Variants in LRRC53 observed in about 807,000 individuals in gnomAD.
LRRC53 encodes the protein leucine-rich repeat-containing protein 53.
A neutral mutation model predicts 13.6 loss-of-function variants in LRRC53; 25 were observed. The ratio of observed to expected loss-of-function variants is 1.83; its 90% CI spans 1.34 to 2.56. The LOEUF (loss-of-function observed/expected upper bound fraction) is 2.56, where lower values mean the gene tolerates loss of function less well. Ranked by LOEUF, LRRC53 falls within the 30% of genes most tolerant of loss-of-function variation. LRRC53 has a pLI of 0.00. For missense variants in LRRC53, 527 were observed against 275.8 expected (o/e 1.91, Z -6.45); for synonymous variants, 204 against 109.8 (o/e 1.86, Z -5.37).
chr1:74,496,618 T>C (rs1293504714), intron 1 of LRRC53, among the ~76,000 whole-genome samples: 1 of 152,188 alleles, frequency 6.6e-6, no homozygotes, highest in Non-Finnish European at 1.5e-5. Context: ...CTAATTATTA[T>C]TATTCTTTAT....
intron 4 of LRRC53, 105 bp from the exon 5 acceptor site, chr1:74,472,306 A>C: frequency 1.6e-6 from 1 of 619,466 alleles, no homozygotes; most frequent in Non-Finnish European, 2.9e-6. Flanking sequence ...GACTCCTCTG[A>C]TAATTGCAGT....
intron 1 of LRRC53, among the ~76,000 whole-genome samples, chr1:74,496,415 T>C (rs1669328146): frequency 2.0e-5 from 3 of 152,158 alleles, no homozygotes; most frequent in African/African-American, 7.2e-5. Context: ...TAGTATAGCA[T>C]TATGATTTTG....
chr1:74,475,526 C>T lies in LRRC53; in HGVS notation c.1189G>A (p.Gly397Arg), dbSNP rs648614. Residue 397 changes from glycine (G) to arginine (R), a missense_variant, in exon 4 of 5, where the codon GGA becomes AGA. By Grantham distance (125) the Gly-to-Arg change is moderately radical. Transcript: ENST00000294635. The stretch of plus-strand genomic sequence containing the variant: ...TTCTTTTTCAGGTTTCTAAATGATC[C>T]GTCAAGGGTTGCAGACTCAGAGGCC... ...TSASESATLD[G>R]SFRNLKKKDR... 412,830 of 716,462 alleles carry T rather than the reference C, an allele frequency of 0.58. 119,837 individuals are homozygous for T. Among genetic ancestry groups the T allele is most frequent in the East Asian group, 0.68 (25,198 of 37,256 alleles). 44.4% of individuals were successfully genotyped at this position (716,462 alleles called of 1,614,324 possible).
chr1:74,488,868 T>C (rs1302042051), intron 1 of LRRC53, among the ~76,000 whole-genome samples: 1 of 152,178 alleles, frequency 6.6e-6, no homozygotes, highest in African/African-American at 2.4e-5. Flanking sequence ...TAGTTTTTAG[T>C]ATTCACTATT....
At chr1:74,497,615 T>C (rs1669395560) in intron 1 of LRRC53, among the ~76,000 whole-genome samples, 1 of 151,044 alleles carries the variant, frequency 6.6e-6, no homozygotes, top group Non-Finnish European at 1.5e-5. Flanking sequence ...TACACACACA[T>C]ACATTCCTCC....
Position 74,480,145 on chromosome 1 carries a change from C to T in LRRC53, c.904+8G>A, listed in dbSNP as rs151235167. The T allele has an allele frequency of 8.4e-4, 602 of 712,442 alleles. 7 individuals carry two copies. The East Asian group carries it at 0.014, about 16-fold the overall frequency. 44.1% of individuals were successfully genotyped at this position (712,442 alleles called of 1,614,324 possible). A position where few individuals can be genotyped will look rare whatever the true frequency, so the allele number is the denominator to read the frequency against. ...GAAAAGAGGAGGGCACACTTCTCCC[C>T]GGCATACCTGCGAAGCCAAGGACAG... On this transcript the variant is annotated splice_region_variant and intron_variant, in intron 3 of 4. Coordinates refer to ENST00000294635, the MANE Select transcript of LRRC53 (RefSeq NM_001382280.1).
intron 3 of LRRC53, among the ~76,000 whole-genome samples, chr1:74,477,275 C>G (rs1452822175): frequency 6.6e-6 from 1 of 152,118 alleles, no homozygotes; most frequent in Non-Finnish European, 1.5e-5. Context: ...TCTAATTCCT[C>G]TAACACTTAT....
intron 1 of LRRC53, among the ~76,000 whole-genome samples, chr1:74,509,870 C>T (rs571233508): frequency 2.0e-5 from 3 of 147,312 alleles, no homozygotes; most frequent in Non-Finnish European, 3.0e-5. Flanking sequence ...TTTCCCTCCT[C>T]AGCTCCCCAA....
rs1230040120 is a variant in LRRC53 at position 74,480,745 on chromosome 1, G to A, written c.312C>T (p.Ser104=). 1 of 717,506 alleles carries A rather than the reference G, an allele frequency of 1.4e-6. No homozygotes were observed. Among genetic ancestry groups the A allele is most frequent in the Non-Finnish European group, 2.6e-6 (1 of 385,106 alleles). The allele number at this position is 717,506 out of a possible 1,614,324, so 44.4% of individuals were successfully genotyped here. ...CCAGTACCTGCAGGCTGTGAAGCTT[G>A]CTGAAGGTGTGATCAGTGAGCGAAG... ...SSSSLTDHTF[S]KLHSLQVLVL... is the part of the protein sequence containing the mutation. The change falls in exon 3 of 5, where the codon AGC becomes AGT. Residue 104 remains serine (S), a synonymous_variant. Coordinates refer to ENST00000294635, the MANE Select transcript of LRRC53 (RefSeq NM_001382280.1).
chr1:74,500,374 G>C (rs931350073), intron 1 of LRRC53, among the ~76,000 whole-genome samples: 1 of 151,412 alleles, frequency 6.6e-6, no homozygotes, highest in African/African-American at 2.4e-5. Flanking sequence ...GGCCGAGGCG[G>C]GCGGATCACG....
At chr1:74,479,222 G>A (rs1303317240) in intron 3 of LRRC53, among the ~76,000 whole-genome samples, 1 of 152,124 alleles carries the variant, frequency 6.6e-6, no homozygotes, top group Non-Finnish European at 1.5e-5. Flanking sequence ...TGCACTGAGA[G>A]CATAGAGGAA....
chr1:74,527,610 T>A, the LRRC53 span, among the ~76,000 whole-genome samples: 1 of 151,758 alleles, frequency 6.6e-6, no homozygotes, highest in East Asian at 1.9e-4. Flanking sequence ...CAGAAGGAGG[T>A]AGAGGCCAGG....
chr1:74,489,244 T>G (rs1279580722), intron 1 of LRRC53: 1 of 1,611,024 alleles, frequency 6.2e-7, no homozygotes, highest in Non-Finnish European at 8.5e-7. Context: ...CTCTGCAACA[T>G]TGAGGTAAAA....
chr1:74,497,984 T>TTTTG (rs1034612222), intron 1 of LRRC53, among the ~76,000 whole-genome samples: 25 of 152,110 alleles, frequency 1.6e-4, no homozygotes, highest in East Asian at 5.8e-4. Flanking sequence ...TGGGAGGCTT[T>TTTTG]TTTGTTTGTT....
At chr1:74,494,542 T>C (rs1669235416) in intron 1 of LRRC53, among the ~76,000 whole-genome samples, 1 of 152,202 alleles carries the variant, frequency 6.6e-6, no homozygotes, top group Non-Finnish European at 1.5e-5. Flanking sequence ...CATCATCATC[T>C]TCCAGTTCTA....
the LRRC53 span, among the ~76,000 whole-genome samples, chr1:74,519,750 G>T: frequency 6.6e-6 from 1 of 152,048 alleles, no homozygotes; most frequent in African/African-American, 2.4e-5. Context: ...CTAATGTGAG[G>T]ACAAGTACCT....
chr1:74,517,285 A>C (rs1646363688), upstream of LRRC53, among the ~76,000 whole-genome samples: 1 of 152,222 alleles, frequency 6.6e-6, no homozygotes, highest in African/African-American at 2.4e-5. Flanking sequence ...ATAGTAAATC[A>C]ATGCCTCATT....
chr1:74,521,297 C>G, the LRRC53 span, among the ~76,000 whole-genome samples: 3 of 152,046 alleles, frequency 2.0e-5, no homozygotes, highest in African/African-American at 7.2e-5. Flanking sequence ...TCTTTGCTTC[C>G]TAATCTATAA....
intron 2 of LRRC53, 52 bp downstream of exon 2, chr1:74,483,210 C>A (rs557210476): frequency 3.2e-5 from 23 of 711,270 alleles, no homozygotes; most frequent in Non-Finnish European, 6.0e-5. Context: ...GTATGGCAAC[C>A]AATTTTCCAG....
Sources: gnomAD v4.1 joint callset for allele counts (sites outside exome capture counted in the v4.1 genomes callset) on GRCh38, gnomAD v4.1.1 for gene constraint, MANE v1.5 for transcripts, NCBI Gene and HGNC (gene_info 2026-07-23, HGNC 2026-07-21) for gene names.